The following SLC6A20 variants were observed in gnomAD, a reference collection of about 807,000 sequenced individuals.
SLC6A20 encodes sodium- and chloride-dependent transporter XTRP3.
Under a neutral mutation model 64.3 loss-of-function variants are expected in SLC6A20, and 73 were observed. The observed-to-expected ratio is 1.14, with a 90% CI of 0.94 to 1.38. The LOEUF is 1.38. SLC6A20 is among the 40% of genes most tolerant of loss of function. SLC6A20 has a pLI of 0.00. For synonymous variants in SLC6A20, 347 were observed against 329.6 expected, an observed-to-expected ratio of 1.05 and a Z score of -0.57; for missense variants, 725 against 772.8, an observed-to-expected ratio of 0.94 and a Z score of 0.73.
At chr3:45,793,653 A>C (rs1278462866) in intron 1 of SLC6A20, among the ~76,000 whole-genome samples, 8 of 152,184 alleles carry the variant, frequency 5.3e-5, no homozygotes, top group Non-Finnish European at 5.9e-5. Flanking sequence ...GGAGAGGGGC[A>C]CAGATCCCTA....
chr3:45,774,363 TG>T (rs1230953625), intron 4 of SLC6A20, among the ~76,000 whole-genome samples: 3 of 152,386 alleles, frequency 2.0e-5, no homozygotes, highest in South Asian at 4.1e-4. Context: ...TCTGATCTCT[TG>T]GATCATGATC....
At chr3:45,769,040 A>G (rs1398550696) in intron 7 of SLC6A20, among the ~76,000 whole-genome samples, 1 of 152,216 alleles carries the variant, frequency 6.6e-6, no homozygotes, top group Non-Finnish European at 1.5e-5. Context: ...GAGAATTAAT[A>G]AGAGAATTCA....
Position 45,765,494 on chromosome 3 carries a change from GCCCTCCTGACCCCTGC to G in SLC6A20, c.1303+27_1303+42del. On this transcript the variant is annotated intron_variant, in intron 8 of 10. Coordinates refer to ENST00000358525, the MANE Select transcript of SLC6A20 (RefSeq NM_020208.4). The surrounding 1 kb of genome is among the most constrained non-coding windows in gnomAD (Gnocchi z 4.2). ...CTCCCCTGTTCACCCCCACGCCTTG[GCCCTCCTGACCCCTGC>G]CTCCTCCACTGGCTGGCCCCGCTGA... The G allele has an allele frequency of 6.3e-7, 1 of 1,580,616 alleles. No individual in the cohort carries two copies. The highest frequency in any genetic ancestry group is 8.6e-7 in the Non-Finnish European group (1 of 1,163,686).
chr3:45,768,963 C>T (rs1195775779), intron 7 of SLC6A20, among the ~76,000 whole-genome samples: 1 of 152,034 alleles, frequency 6.6e-6, no homozygotes, highest in Non-Finnish European at 1.5e-5. Context: ...AAGAAAAATG[C>T]AAAATTTGAT....
At chr3:45,784,748 G>A (rs932942423) in intron 1 of SLC6A20, among the ~76,000 whole-genome samples, 1 of 152,172 alleles carries the variant, frequency 6.6e-6, no homozygotes, top group African/African-American at 2.4e-5. Flanking sequence ...ACCAGAGACT[G>A]GATAATTTAC....
Position 45,772,601 on chromosome 3 carries a change from C to A in SLC6A20, c.597G>T (p.Thr199=), listed in dbSNP as rs556958366. 6.2e-7 allele frequency: 1 copy of A among 1,613,680 alleles called. No individual in the cohort carries two copies. Among genetic ancestry groups the A allele is most frequent in the Admixed American group, 1.7e-5 (1 of 59,976 alleles). The part of the protein sequence containing the change: ...TESTGKVVYF[T]ASLPYCVLII... ...TGAGCACGCAATAGGGCAGTGACGCCGTGAAATACACCACCTGCGGGCATC... is the reference window on the plus strand; with the variant it reads ...TGAGCACGCAATAGGGCAGTGACGCAGTGAAATACACCACCTGCGGGCATC... Residue 199 remains threonine (T), a synonymous_variant, in exon 5 of 11, where the codon ACG becomes ACT. Transcript: ENST00000358525.
chr3:45,760,144 T>C, intron 9 of SLC6A20, 122 bp from the exon 10 acceptor site: 2 of 1,141,228 alleles, frequency 1.8e-6, no homozygotes, highest in Non-Finnish European at 2.5e-6. Flanking sequence ...ATGTCTGAGC[T>C]TGGCCACTGG....
chr3:45,760,113 T>G, intron 9 of SLC6A20, 91 bp from the exon 10 acceptor site: 7 of 1,417,868 alleles, frequency 4.9e-6, no homozygotes, highest in Non-Finnish European at 6.7e-6. Context: ...CAAAGGAACA[T>G]TCTGTTCTAG....
intron 9 of SLC6A20, among the ~76,000 whole-genome samples, chr3:45,760,686 G>T (rs995588743): frequency 6.6e-6 from 1 of 152,188 alleles, no homozygotes. Flanking sequence ...TAAACCTACG[G>T]TTAGCAGCAG....
At chr3:45,772,452 G>A in intron 5 of SLC6A20, 53 bp downstream of exon 5, 2 of 1,490,726 alleles carry the variant, frequency 1.3e-6, no homozygotes, top group Non-Finnish European at 1.8e-6. Context: ...CATCCTGGAA[G>A]GTGGCAGGAT....
Position 45,796,297 on chromosome 3 carries a change from A to G in SLC6A20, c.121+2T>C. 1 of 1,602,030 alleles carries G rather than the reference A, an allele frequency of 6.2e-7. No homozygotes were observed. The highest frequency in any genetic ancestry group is 8.5e-7 in the Non-Finnish European group (1 of 1,174,980). Reference sequence around the variant, plus strand: ...TGGGGCCGGGGCGCGGTGGGCACTCACCTCCGCCGTACATCTGGCACAGGT... The same window carrying G: ...TGGGGCCGGGGCGCGGTGGGCACTCGCCTCCGCCGTACATCTGGCACAGGT... On this transcript the variant is annotated splice_donor_variant, in intron 1 of 10. Transcript: ENST00000358525. LOFTEE classifies it high-confidence loss of function.
chr3:45,759,017 C>CCT lies in SLC6A20; in HGVS notation c.1739_1740insAG (p.Arg581GlyfsTer41). 1 of 1,612,266 alleles carries CCT rather than the reference C, an allele frequency of 6.2e-7. No homozygotes were observed. The highest frequency in any genetic ancestry group is 8.5e-7 in the Non-Finnish European group (1 of 1,179,290). On this transcript the variant is annotated frameshift_variant, in exon 11 of 11. Transcript: ENST00000358525. LOFTEE classifies it low-confidence loss of function (END_TRUNC). ...CTGCGTCTCCCCTCTTGAGGCGACG[C>CCT]TGAACAAAAGTCCCCAGGGCCGCCA...
intron 4 of SLC6A20, among the ~76,000 whole-genome samples, chr3:45,773,088 C>G (rs1471170333): frequency 6.6e-6 from 1 of 152,062 alleles, no homozygotes; most frequent in East Asian, 1.9e-4. Flanking sequence ...AGATTCAGCT[C>G]TGAGCTTCCT....
intron 1 of SLC6A20, among the ~76,000 whole-genome samples, chr3:45,782,557 ATCCT>A (rs1208469786): frequency 2.7e-5 from 4 of 148,126 alleles, no homozygotes; most frequent in South Asian, 2.1e-4. Flanking sequence ...ACATCCATCC[ATCCT>A]TCCTTCCTTC....
chr3:45,784,544 T>C (rs1202156291), intron 1 of SLC6A20, among the ~76,000 whole-genome samples: 2 of 151,958 alleles, frequency 1.3e-5, no homozygotes, highest in South Asian at 2.1e-4. Context: ...GTTAAGAGAA[T>C]AAAAACAAAA....
intron 1 of SLC6A20, among the ~76,000 whole-genome samples, chr3:45,792,559 A>G (rs961842402): frequency 1.3e-5 from 2 of 152,150 alleles, no homozygotes; most frequent in African/African-American, 4.8e-5. Flanking sequence ...GTATTTCCCA[A>G]CTACTGGGGG....
Position 45,755,654 on chromosome 3 carries a change from T to A in SLC6A20, c.*3324A>T, listed in dbSNP as rs1181615079. 1.3e-5 allele frequency: 2 copies of A among 152,616 alleles called. No homozygotes were observed. Among genetic ancestry groups the A allele is most frequent in the Non-Finnish European group, 2.9e-5 (2 of 68,040 alleles). The allele number at this position is 152,616 out of a possible 1,614,324, so 9.5% of individuals were successfully genotyped here. On this transcript the variant is annotated 3_prime_UTR_variant, in exon 11 of 11. Transcript: ENST00000358525. ...ATGTCCCTTTGTCGCTCCAGCTTAT[T>A]GGAGGGTGGGTGGACAAATGTCGAC...
At chr3:45,781,962 G>C in intron 2 of SLC6A20, 121 bp downstream of exon 2, 1 of 1,324,402 alleles carries the variant, frequency 7.6e-7, no homozygotes, top group South Asian at 1.9e-5. Context: ...CCCCAGGCAA[G>C]AGCTCTCTCT....
At chr3:45,779,870 C>A (rs897438295) in intron 3 of SLC6A20, 139 bp downstream of exon 3, 2 of 884,136 alleles carry the variant, frequency 2.3e-6, no homozygotes, top group Non-Finnish European at 1.7e-6. Flanking sequence ...ATGGCTTCCC[C>A]TCCACCTCAC....
Sources: allele counts gnomAD v4.1 joint callset (sites outside exome capture counted in the v4.1 genomes callset), GRCh38; gene constraint gnomAD v4.1.1; non-coding constraint Gnocchi (gnomAD v3.1); transcripts MANE v1.5; gene names NCBI Gene and HGNC (gene_info 2026-07-23, HGNC 2026-07-21).